ANXA2: variants seen among roughly 807,000 people sequenced by gnomAD.
ANXA2 encodes the protein annexin A2.
In ANXA2, 28 loss-of-function variants were observed where a neutral mutation model predicts 47.3. That is an observed-to-expected ratio of 0.59 (90% CI 0.44 to 0.81). The LOEUF is 0.81. ANXA2 is among the 40% of genes least tolerant of loss of function. The pLI is 0.00. For synonymous variants in ANXA2, 172 were observed against 155.5 expected, an observed-to-expected ratio of 1.11 and a Z score of -0.79; for missense variants, 384 against 414.3, an observed-to-expected ratio of 0.93 and a Z score of 0.64.
In ANXA2 at chr15:60,394,894, G is replaced by A. The variant is rs572425261; in HGVS notation, c.-12+3049C>T. Among the ~76,000 whole-genome samples, 10 of 152,236 alleles carry A rather than the reference G, an allele frequency of 6.6e-5. No individual in the cohort carries two copies. In the South Asian group the frequency reaches 1.9e-3, roughly 28 times the overall value. ...AGAAAAAAGATACCAGGCAGTGAAT[G>A]GGTGGAAAGAATTTTTTTGAAGGAC... is the stretch of plus-strand genomic sequence containing the variant. On this transcript the variant is annotated intron_variant, in intron 1 of 12. Coordinates refer to ENST00000451270, the MANE Select transcript of ANXA2 (RefSeq NM_004039.3).
intron 3 of ANXA2, among the ~76,000 whole-genome samples, chr15:60,367,034 C>T (rs1339167039): frequency 1.3e-5 from 1 of 79,274 alleles, no homozygotes; most frequent in East Asian, 3.5e-4. Context: ...GGGGTCAGCC[C>T]CCCGCCCGGC....
chr15:60,350,395 A>G (rs1447324973), intron 11 of ANXA2, among the ~76,000 whole-genome samples: 1 of 152,138 alleles, frequency 6.6e-6, no homozygotes, highest in Non-Finnish European at 1.5e-5. Flanking sequence ...GCTTAGAGGG[A>G]ACATGCCAAC....
At chr15:60,357,335 T>A (rs982853972) in intron 5 of ANXA2, 99 bp from the exon 6 acceptor site, 1 of 903,804 alleles carries the variant, frequency 1.1e-6, no homozygotes, top group African/African-American at 1.6e-5. Flanking sequence ...ATGGATTGGG[T>A]CTGTTAGCAT....
chr15:60,390,334 G>A, intron 1 of ANXA2: 1 of 911,686 alleles, frequency 1.1e-6, no homozygotes. Context: ...ATAAAATATG[G>A]CCACTTTCCT....
At chr15:60,390,447 ACCAGGACT>A in intron 1 of ANXA2, 8 of 514,016 alleles carry the variant, frequency 1.6e-5, no homozygotes, top group Non-Finnish European at 3.1e-5. Context: ...ACGGCACAAT[ACCAGGACT>A]CCCTGTATGC....
At chr15:60,347,816 C>T (rs1448616057) in intron 12 of ANXA2, 127 bp from the exon 13 acceptor site, 1 of 832,540 alleles carries the variant, frequency 1.2e-6, no homozygotes, top group Non-Finnish European at 1.9e-6. Context: ...CTGCAGGAGA[C>T]CTGCCCTGAT....
At chr15:60,368,316 A>AAAATACAAT (rs57187491) in intron 3 of ANXA2, among the ~76,000 whole-genome samples, 1 of 113,980 alleles carries the variant, frequency 8.8e-6, no homozygotes, top group African/African-American at 3.2e-5. Flanking sequence ...AATAAAAAAA[A>AAAATACAAT]AAAATAAAAT....
intron 8 of ANXA2, 103 bp downstream of exon 8, chr15:60,354,051 A>C: frequency 1.2e-6 from 1 of 868,084 alleles, no homozygotes; most frequent in Non-Finnish European, 1.8e-6. Context: ...GTTTTAAGCC[A>C]CAGAGTTTGG....
chr15:60,390,912 G>A (rs1407971903), intron 1 of ANXA2: 1 of 153,440 alleles, frequency 6.5e-6, no homozygotes, highest in Non-Finnish European at 1.4e-5. Context: ...TGACTAATGA[G>A]AATGTGTCAG....
At chr15:60,380,896 G>A (rs983731592) in intron 3 of ANXA2, among the ~76,000 whole-genome samples, 2 of 151,840 alleles carry the variant, frequency 1.3e-5, no homozygotes, top group Admixed American at 6.6e-5. Flanking sequence ...AGTCATCTGG[G>A]GGGTGGTCCA....
At position 60,397,966 on chromosome 15, in the gene ANXA2, G is replaced by C. The variant is rs1410548496; in HGVS notation, c.-35C>G. The C allele has an allele frequency of 4.0e-5, 50 of 1,265,230 alleles. 1 individual carries two copies. 78.4% of individuals were successfully genotyped at this position (1,265,230 alleles called of 1,614,324 possible). A position where few individuals can be genotyped will look rare whatever the true frequency, so the allele number is the denominator to read the frequency against. On this transcript the variant is annotated 5_prime_UTR_variant, in exon 1 of 13. Transcript: ENST00000451270. Reference sequence around the variant, plus strand: ...ACCTGGGCCGTGCGCCGAGAGCTGAGAGCGTCCCCAAATGCTGAGCAGAGC... The same window carrying C: ...ACCTGGGCCGTGCGCCGAGAGCTGACAGCGTCCCCAAATGCTGAGCAGAGC...
chr15:60,361,386 C>T (rs2062510364), intron 4 of ANXA2: 1 of 244,282 alleles, frequency 4.1e-6, no homozygotes, highest in South Asian at 5.4e-5. Context: ...AGTAACACTC[C>T]GTGGAAGGCA....
chr15:60,373,338 A>T lies in ANXA2; in HGVS notation c.149-8815T>A, dbSNP rs145191091. ...AGCTAGAAGACTCTCTTCTGAGGAG[A>T]GACATGAATAACTCAGCAAAGGGAG... On this transcript the variant is annotated intron_variant, in intron 3 of 12. Coordinates refer to ENST00000451270, the MANE Select transcript of ANXA2 (RefSeq NM_004039.3). 2.6e-3 allele frequency among the ~76,000 whole-genome samples: 389 copies of T among 152,324 alleles called. 1 individual carries two copies. The highest frequency in any genetic ancestry group is 4.2e-3 in the Non-Finnish European group (283 of 68,032).
intron 4 of ANXA2, chr15:60,363,163 C>T (rs2062543754): frequency 6.6e-6 from 1 of 151,902 alleles, no homozygotes; most frequent in Admixed American, 6.6e-5. Context: ...AGAGATGAGC[C>T]TTCTGCTCCA....
intron 5 of ANXA2, among the ~76,000 whole-genome samples, chr15:60,357,760 C>G (rs7170635): frequency 0.04 from 6,102 of 151,164 alleles, 375 homozygotes; most frequent in African/African-American, 0.13. Context: ...CGCCACTGCA[C>G]TCCAGCCTGG....
intron 7 of ANXA2, chr15:60,355,305 AGTT>A (rs1411827355): frequency 6.2e-6 from 1 of 160,576 alleles, no homozygotes; most frequent in Non-Finnish European, 1.4e-5. Flanking sequence ...ATGGCATAGG[AGTT>A]GTTGCAGTAA....
At chr15:60,380,659 C>G (rs1240476038) in intron 3 of ANXA2, among the ~76,000 whole-genome samples, 2 of 151,514 alleles carry the variant, frequency 1.3e-5, no homozygotes, top group East Asian at 1.9e-4. Context: ...AGAAAATTAG[C>G]TGGGCATGGT....
chr15:60,373,502 C>T (rs919044378), intron 3 of ANXA2, among the ~76,000 whole-genome samples: 4 of 152,160 alleles, frequency 2.6e-5, no homozygotes, highest in African/African-American at 9.7e-5. Flanking sequence ...GCCCGGAACC[C>T]CTGCTGTAAA....
At chr15:60,368,045 G>C (rs1009964546) in intron 3 of ANXA2, among the ~76,000 whole-genome samples, 1 of 132,452 alleles carries the variant, frequency 7.5e-6, no homozygotes, top group Non-Finnish European at 1.6e-5. Context: ...CATGTGCTGC[G>C]TCCACTCAGG....
Sources: gnomAD v4.1 joint callset for allele counts (sites outside exome capture counted in the v4.1 genomes callset) on GRCh38, gnomAD v4.1.1 for gene constraint, MANE v1.5 for transcripts, NCBI Gene and HGNC (gene_info 2026-07-23, HGNC 2026-07-21) for gene names.